Variants in FRY observed in about 807,000 individuals in gnomAD.
FRY encodes protein furry homolog.
Under a neutral mutation model 348.4 loss-of-function variants are expected in FRY, and 128 were observed. The ratio of observed to expected loss-of-function variants is 0.37; its 90% CI spans 0.32 to 0.43. The LOEUF (loss-of-function observed/expected upper bound fraction) is 0.43, where lower values mean the gene tolerates loss of function less well. Ranked by LOEUF, FRY falls within the 20% of genes least tolerant of loss-of-function variation. FRY has a pLI of 1.00. For missense variants in FRY, 2,736 were observed against 3,695.2 expected (o/e 0.74, Z 6.73); for synonymous variants, 1,370 against 1,374.7 (o/e 1.00, Z 0.08).
chr13:32,115,067 T>C (rs1407525336), intron 3 of FRY, among the ~76,000 whole-genome samples: 1 of 152,210 alleles, frequency 6.6e-6, no homozygotes, highest in Non-Finnish European at 1.5e-5. Flanking sequence ...CTAAAGATAA[T>C]GTACAATTTT....
intron 1 of FRY, among the ~76,000 whole-genome samples, chr13:32,045,013 T>C (rs2138377055): frequency 6.6e-6 from 1 of 152,302 alleles, no homozygotes; most frequent in South Asian, 2.1e-4. Flanking sequence ...AGAGTGACTG[T>C]TATTTGTACA....
At chr13:32,057,965 A>AT (rs549022066) in intron 1 of FRY, among the ~76,000 whole-genome samples, 124 of 151,976 alleles carry the variant, frequency 8.2e-4, no homozygotes, top group South Asian at 5.0e-3. Context: ...GTCTCAAAAA[A>AT]AAATAAATAA....
At chr13:32,253,465 A>G (rs988633037) in intron 50 of FRY, among the ~76,000 whole-genome samples, 1 of 152,350 alleles carries the variant, frequency 6.6e-6, no homozygotes, top group Non-Finnish European at 1.5e-5. Flanking sequence ...ATTTTCTTTA[A>G]TATCTATCTA....
chr13:32,166,387 T>G (rs1201042301), intron 17 of FRY, among the ~76,000 whole-genome samples: 1 of 152,210 alleles, frequency 6.6e-6, no homozygotes, highest in East Asian at 1.9e-4. Flanking sequence ...CTGGGGGAAC[T>G]GCTGTCCCCC....
intron 14 of FRY, among the ~76,000 whole-genome samples, chr13:32,154,457 T>C (rs1016030408): frequency 3.9e-5 from 6 of 152,230 alleles, no homozygotes; most frequent in Admixed American, 1.3e-4. Context: ...TGTTATAAAA[T>C]GTAATCGTGT....
intron 1 of FRY, among the ~76,000 whole-genome samples, chr13:32,066,627 A>G (rs1429629517): frequency 6.6e-6 from 1 of 152,160 alleles, no homozygotes; most frequent in Admixed American, 6.5e-5. Context: ...TTTAACAGGC[A>G]CCAGACAGGT....
chr13:32,244,702 CAA>C (rs1474754215), intron 47 of FRY, among the ~76,000 whole-genome samples: 1 of 152,052 alleles, frequency 6.6e-6, no homozygotes, highest in Non-Finnish European at 1.5e-5. Context: ...ATAAATAAAA[CAA>C]GATGACAAAA....
chr13:32,239,435 G>A lies in FRY; in HGVS notation c.6516+86G>A. On this transcript the variant is annotated intron_variant, in intron 45 of 60. Transcript: ENST00000542859. The surrounding 1 kb of genome is among the most constrained non-coding windows in gnomAD (Gnocchi z 4.3). ...CAGGCAAATTACAAGGCCCAGAGAT[G>A]GCAGTGATTTTCTCAAAAACTGGAA... 1.2e-6 allele frequency: 1 copy of A among 844,972 alleles called. No homozygotes were observed. Among genetic ancestry groups the A allele is most frequent in the Non-Finnish European group, 2.1e-6 (1 of 479,880 alleles). 52.3% of individuals were successfully genotyped at this position (844,972 alleles called of 1,614,324 possible).
intron 35 of FRY, among the ~76,000 whole-genome samples, chr13:32,216,870 A>G (rs1437872606): frequency 6.6e-6 from 1 of 152,234 alleles, no homozygotes; most frequent in African/African-American, 2.4e-5. Context: ...GGTTTGAGGT[A>G]TGAAGTTACT....
chr13:32,252,594 G>A (rs963030280), intron 50 of FRY, among the ~76,000 whole-genome samples: 2 of 151,858 alleles, frequency 1.3e-5, no homozygotes, highest in Admixed American at 6.6e-5. Context: ...AGGTATTTTT[G>A]TTTCACCTGT....
chr13:32,168,175 G>A (rs1451151410), intron 17 of FRY, among the ~76,000 whole-genome samples: 3 of 152,170 alleles, frequency 2.0e-5, no homozygotes, highest in Non-Finnish European at 4.4e-5. Flanking sequence ...TCTGAAGGCC[G>A]GCATGCTAGA....
At chr13:32,060,981 G>A in intron 1 of FRY, 1 of 438,564 alleles carries the variant, frequency 2.3e-6, no homozygotes, top group Non-Finnish European at 4.8e-6. Context: ...CTGCATTGTG[G>A]CTGAGACACT....
intron 23 of FRY, among the ~76,000 whole-genome samples, chr13:32,182,409 G>C (rs1271776892): frequency 6.6e-6 from 1 of 152,114 alleles, no homozygotes; most frequent in African/African-American, 2.4e-5. Context: ...ATTATATAGT[G>C]GAAATAAAGG....
chr13:32,275,262 C>A (rs1168951472), intron 56 of FRY: 2 of 312,330 alleles, frequency 6.4e-6, no homozygotes, highest in Non-Finnish European at 1.3e-5. Context: ...GTGGCAGGCG[C>A]CTGTAATCCC....
In FRY at chr13:32,242,361, T is replaced by C. The variant is rs188386007; in HGVS notation, c.6688-1681T>C. On this transcript the variant is annotated intron_variant, in intron 46 of 60. Coordinates refer to ENST00000542859, the MANE Select transcript of FRY (RefSeq NM_023037.3). Reference sequence around the variant, plus strand: ...CCCCCATTTGTAATACTATAAACAGTGTATAAATATTCTTGTTTTCCTGTA... The same window carrying C: ...CCCCCATTTGTAATACTATAAACAGCGTATAAATATTCTTGTTTTCCTGTA... Among the ~76,000 whole-genome samples the C allele has an allele frequency of 9.6e-4, 146 of 152,300 alleles. 1 individual carries two copies. Among genetic ancestry groups the C allele is most frequent in the Admixed American group, 8.8e-3 (134 of 15,294 alleles).
At chr13:32,101,321 G>A (rs984720573) in intron 2 of FRY, among the ~76,000 whole-genome samples, 2 of 152,046 alleles carry the variant, frequency 1.3e-5, no homozygotes, top group Non-Finnish European at 2.9e-5. Context: ...AGGCTAAATC[G>A]TCTTCCATTG....
At chr13:32,183,992 G>A (rs1183737401) in intron 24 of FRY, among the ~76,000 whole-genome samples, 4 of 151,556 alleles carry the variant, frequency 2.6e-5, no homozygotes, top group Admixed American at 6.6e-5. Context: ...TAAATTAGCC[G>A]GGTGTGGTGG....
chr13:32,219,469 ATGT>A (rs1484713555), intron 36 of FRY, among the ~76,000 whole-genome samples: 2 of 144,450 alleles, frequency 1.4e-5, no homozygotes, highest in African/African-American at 2.5e-5. Context: ...TAGAAAACAC[ATGT>A]TGTTGGCTGG....
At chr13:32,290,156 G>C (rs528729425) in intron 59 of FRY, among the ~76,000 whole-genome samples, 3 of 151,978 alleles carry the variant, frequency 2.0e-5, no homozygotes, top group East Asian at 1.9e-4. Flanking sequence ...TGATGTGTTT[G>C]GTTCTCTTCA....
Sources: gnomAD v4.1 joint callset for allele counts (sites outside exome capture counted in the v4.1 genomes callset) on GRCh38, gnomAD v4.1.1 for gene constraint, Gnocchi (gnomAD v3.1) non-coding constraint, MANE v1.5 for transcripts, NCBI Gene and HGNC (gene_info 2026-07-23, HGNC 2026-07-21) for gene names.